Variants in ZFHX3 observed in about 807,000 individuals in gnomAD.
ZFHX3 encodes the protein zinc finger homeobox 3.
In ZFHX3, 42 loss-of-function variants were observed where a neutral mutation model predicts 279.1. The observed-to-expected ratio is 0.15, with a 90% CI of 0.12 to 0.19. The LOEUF is 0.19. Ranked by LOEUF, ZFHX3 falls within the 10% of genes least tolerant of loss-of-function variation. The pLI is 1.00. For missense variants in ZFHX3, 4,981 were observed against 4,754.0 expected (o/e 1.05, Z -1.40); for synonymous variants, 2,293 against 1,957.8 (o/e 1.17, Z -4.52).
At chr16:73,097,845 A>G (rs1433751502) in intron 7 of ZFHX3, among the ~76,000 whole-genome samples, 1 of 152,172 alleles carries the variant, frequency 6.6e-6, no homozygotes, top group Admixed American at 6.6e-5. Context: ...GTCCCTTTGT[A>G]TCTGGCTTCT....
intron 7 of ZFHX3, among the ~76,000 whole-genome samples, chr16:73,120,650 C>CTTTTT (rs1174733016): frequency 1.4e-4 from 16 of 110,712 alleles, no homozygotes; most frequent in African/African-American, 1.6e-4. Context: ...TCCTCTCTAC[C>CTTTTT]TTTTTTTTTT....
At chr16:72,842,830 C>T (rs555028662) in intron 4 of ZFHX3, among the ~76,000 whole-genome samples, 10 of 151,946 alleles carry the variant, frequency 6.6e-5, no homozygotes, top group Non-Finnish European at 1.3e-4. Flanking sequence ...AGGAAATGTT[C>T]CAGGAGAATG....
intron 4 of ZFHX3, among the ~76,000 whole-genome samples, chr16:73,270,487 C>T (rs560064110): frequency 1.3e-5 from 2 of 152,290 alleles, no homozygotes; most frequent in South Asian, 4.1e-4. Context: ...CCCACAGCAC[C>T]CAGCCCAGGG....
chr16:73,365,709 C>T (rs1442865411), intron 3 of ZFHX3, among the ~76,000 whole-genome samples: 1 of 152,198 alleles, frequency 6.6e-6, no homozygotes, highest in Non-Finnish European at 1.5e-5. Context: ...TCTGTATCAG[C>T]CCTCTGGCCC....
At chr16:72,923,435 A>G (rs1010087413) in intron 3 of ZFHX3, among the ~76,000 whole-genome samples, 1 of 148,656 alleles carries the variant, frequency 6.7e-6, no homozygotes, top group Non-Finnish European at 1.5e-5. Flanking sequence ...ACAGAGTGAG[A>G]CCTGTCTCAG....
At chr16:73,261,008 A>C (rs1374578163) in intron 4 of ZFHX3, among the ~76,000 whole-genome samples, 2 of 152,082 alleles carry the variant, frequency 1.3e-5, no homozygotes, top group African/African-American at 4.8e-5. Context: ...TTAACCTAGC[A>C]ATTTCTCTTT....
intron 1 of ZFHX3, among the ~76,000 whole-genome samples, chr16:73,848,619 T>C (rs1567429514): frequency 1.3e-5 from 2 of 152,218 alleles, no homozygotes; most frequent in Non-Finnish European, 2.9e-5. Context: ...GAACATCATA[T>C]ACATTAGGAA....
At chr16:72,890,782 G>A (rs2038753732) in intron 3 of ZFHX3, among the ~76,000 whole-genome samples, 1 of 152,218 alleles carries the variant, frequency 6.6e-6, no homozygotes, top group African/African-American at 2.4e-5. Flanking sequence ...GCCTGTTTTT[G>A]TAAATAAAGT....
chr16:72,855,336 T>A (rs1195655402), intron 4 of ZFHX3, among the ~76,000 whole-genome samples: 3 of 152,132 alleles, frequency 2.0e-5, no homozygotes, highest in African/African-American at 7.2e-5. Flanking sequence ...TGTGAAACAG[T>A]GTGTGTGTGA....
rs576883879 is a variant in ZFHX3 at position 73,440,949 on chromosome 16, G to A, written c.-1291+15054C>T. 2.0e-5 allele frequency among the ~76,000 whole-genome samples: 3 copies of A among 152,278 alleles called. No homozygotes were observed. The East Asian group carries it at 5.8e-4, about 29-fold the overall frequency. The stretch of plus-strand genomic sequence containing the variant: ...GTCACAAACAGATTTCCATGAGAAT[G>A]AACACTAAGTTATTAGGGAAGAGAG... On this transcript the variant is annotated intron_variant, in intron 3 of 17. Coordinates refer to the ZFHX3 transcript ENST00000641206.
At chr16:72,969,497 C>G (rs1044985402) in intron 1 of ZFHX3, among the ~76,000 whole-genome samples, 1 of 152,016 alleles carries the variant, frequency 6.6e-6, no homozygotes, top group East Asian at 1.9e-4. Flanking sequence ...AGTAAAAGGA[C>G]GAGGGCAGCC....
intron 6 of ZFHX3, among the ~76,000 whole-genome samples, chr16:73,140,155 C>G (rs1966843543): frequency 6.6e-6 from 1 of 152,050 alleles, no homozygotes. Context: ...GTATTCCCAG[C>G]TACTTGGGAG....
rs753592536 is a variant in ZFHX3, at chr16:72,798,546, G to A, written c.4136C>T (p.Thr1379Met). ...CTTGGCATGCACTTCATTAAAATGC[G>A]TCTGAAGGGCAGCAGAAGTTTTGAA... ...QVFKTSAALQ[T>M]HFNEVHAKRP... The change falls in exon 9 of 10, where the codon ACG becomes ATG. Residue 1379 changes from threonine to methionine, a missense_variant. Thr to Met is a moderately conservative substitution (Grantham distance 81). This residue lies in a region of ZFHX3 where 1,751 missense variants were observed against 1,770.0 expected (regional missense o/e 0.99). Coordinates refer to ENST00000268489, the MANE Select transcript of ZFHX3 (RefSeq NM_006885.4). 3.8e-5 allele frequency: 62 copies of A among 1,614,062 alleles called. No individual in the cohort carries two copies. The highest frequency in any genetic ancestry group is 1.6e-4 in the Middle Eastern group (1 of 6,084).
At chr16:73,426,056 G>A (rs1240358423) in intron 3 of ZFHX3, among the ~76,000 whole-genome samples, 1 of 152,006 alleles carries the variant, frequency 6.6e-6, no homozygotes, top group African/African-American at 2.4e-5. Flanking sequence ...TCACCCTTGG[G>A]CCCTGGCTGG....
At chr16:73,099,385 G>A (rs546117308) in intron 7 of ZFHX3, 16 of 152,078 alleles carry the variant, frequency 1.1e-4, no homozygotes, top group Non-Finnish European at 2.4e-4. Context: ...AGACAGTTAG[G>A]TTCTTACCAC....
At chr16:73,291,036 C>T (rs1221901830) in intron 4 of ZFHX3, among the ~76,000 whole-genome samples, 1 of 152,196 alleles carries the variant, frequency 6.6e-6, no homozygotes, top group African/African-American at 2.4e-5. Flanking sequence ...ATTAGAAACA[C>T]ATTCTAGCCA....
rs1056397443 is a variant in ZFHX3 at position 73,113,451 on chromosome 16, A to C, written c.-897+17517T>G. On this transcript the variant is annotated intron_variant, in intron 7 of 17. Coordinates refer to the ZFHX3 transcript ENST00000641206. The stretch of plus-strand genomic sequence containing the variant: ...AAATTAAAAATCACAGGCCACAATA[A>C]ATACGGCCCACGTCTATCCACACCC... Among the ~76,000 whole-genome samples the C allele has an allele frequency of 2.0e-5, 3 of 152,246 alleles. No homozygotes were observed. The South Asian group carries it at 6.2e-4, about 32-fold the overall frequency.
At chr16:73,612,526 T>C (rs1168063337) in intron 2 of ZFHX3, among the ~76,000 whole-genome samples, 4 of 152,236 alleles carry the variant, frequency 2.6e-5, no homozygotes, top group East Asian at 1.9e-4. Context: ...AATAAACTTA[T>C]GCAGTTGAAT....
At chr16:73,174,930 A>T (rs940349220) in intron 5 of ZFHX3, among the ~76,000 whole-genome samples, 34 of 150,878 alleles carry the variant, frequency 2.3e-4, no homozygotes, top group African/African-American at 7.3e-4. Flanking sequence ...GCTACTCGGG[A>T]GGCAGGAGAA....
Sources: allele counts gnomAD v4.1 joint callset (sites outside exome capture counted in the v4.1 genomes callset), GRCh38; gene constraint gnomAD v4.1.1; regional missense constraint gnomAD v4.1.1; transcripts MANE v1.5; gene names NCBI Gene and HGNC (gene_info 2026-07-23, HGNC 2026-07-21).